AXDND1: variants seen among roughly 807,000 people sequenced by gnomAD.
AXDND1 encodes the protein axonemal dynein light chain domain-containing protein 1.
AXDND1 carries 110 observed loss-of-function variants against 137.5 expected under a neutral mutation model. The ratio of observed to expected loss-of-function variants is 0.80; its 90% CI spans 0.69 to 0.94. The LOEUF (loss-of-function observed/expected upper bound fraction) is 0.94. AXDND1 is among the 40% of genes least tolerant of loss of function. The pLI is 0.00. For missense variants in AXDND1, 1,191 were observed against 1,169.8 expected (o/e 1.02, Z -0.26); for synonymous variants, 414 against 399.7 (o/e 1.04, Z -0.43).
chr1:179,400,747 C>A (rs1386723435), intron 11 of AXDND1, among the ~76,000 whole-genome samples: 1 of 148,288 alleles, frequency 6.7e-6, no homozygotes, highest in Non-Finnish European at 1.5e-5. Flanking sequence ...ACTGAAAATA[C>A]AAAAAAAATT....
chr1:179,385,192 A>G (rs1248983599), intron 8 of AXDND1, 46 bp from the exon 9 acceptor site: 2 of 1,550,908 alleles, frequency 1.3e-6, no homozygotes, highest in Admixed American at 1.8e-5. Context: ...AATGTTTTTT[A>G]CTAAGACTGT....
At chr1:179,380,020 C>T (rs771531936) in intron 6 of AXDND1, among the ~76,000 whole-genome samples, 23 of 151,994 alleles carry the variant, frequency 1.5e-4, no homozygotes, top group Non-Finnish European at 2.4e-4. Flanking sequence ...GAGGCTGAGG[C>T]GAGCAGATCA....
In AXDND1 at chr1:179,534,955, A is replaced by G. The variant is rs1260692648; in HGVS notation, c.3024A>G (p.Pro1008=). Reference sequence around the variant, plus strand: ...CAGCAGAAAATTCCTCAAAATCTCCAAAGAAAGGTAAGGATTGCTTCGTAT... The same window carrying G: ...CAGCAGAAAATTCCTCAAAATCTCCGAAGAAAGGTAAGGATTGCTTCGTAT... The part of the protein sequence containing the change: ...VRSAENSSKS[P]KKGH Residue 1008 remains proline, a synonymous_variant, in exon 25 of 26, where the codon CCA becomes CCG. Transcript: ENST00000367618. 2 of 1,605,586 alleles carry G rather than the reference A, an allele frequency of 1.2e-6. No homozygotes were observed. The highest frequency in any genetic ancestry group is 2.7e-5 in the African/African-American group (2 of 74,410).
chr1:179,532,890 A>G (rs1023755416), intron 23 of AXDND1: 3 of 121,446 alleles, frequency 2.5e-5, no homozygotes, highest in Non-Finnish European at 5.1e-5. Flanking sequence ...GTCTCTATAA[A>G]AGAAAAAGAA....
intron 9 of AXDND1, among the ~76,000 whole-genome samples, chr1:179,386,265 G>A (rs777425128): frequency 2.6e-5 from 4 of 151,936 alleles, no homozygotes; most frequent in Non-Finnish European, 5.9e-5. Flanking sequence ...GGTCAGGCTG[G>A]TCTCGAACTC....
At chr1:179,532,132 A>G (rs1671092829) in intron 23 of AXDND1, among the ~76,000 whole-genome samples, 1 of 152,222 alleles carries the variant, frequency 6.6e-6, no homozygotes, top group Non-Finnish European at 1.5e-5. Flanking sequence ...ATTTCAGACC[A>G]CGGTCTGAAG....
intron 22 of AXDND1, among the ~76,000 whole-genome samples, chr1:179,525,967 A>C (rs1312769254): frequency 6.6e-6 from 1 of 152,198 alleles, no homozygotes; most frequent in Non-Finnish European, 1.5e-5. Flanking sequence ...TTTCAGAGGA[A>C]GGGAATGTTC....
intron 9 of AXDND1, among the ~76,000 whole-genome samples, chr1:179,391,004 C>A (rs1188726842): frequency 6.6e-6 from 1 of 151,908 alleles, no homozygotes; most frequent in African/African-American, 2.4e-5. Flanking sequence ...TAGGGTTTAT[C>A]CATGTTGGTC....
intron 16 of AXDND1, among the ~76,000 whole-genome samples, chr1:179,458,137 A>G (rs1299876797): frequency 1.3e-5 from 2 of 151,946 alleles, no homozygotes; most frequent in Non-Finnish European, 2.9e-5. Flanking sequence ...CTACAGGTGC[A>G]TGCTGTGACT....
In AXDND1 at chr1:179,465,844, G is replaced by A. The variant is rs1209549257; in HGVS notation, c.1799-2599G>A. 7.9e-5 allele frequency among the ~76,000 whole-genome samples: 12 copies of A among 152,184 alleles called. 1 individual carries two copies. In the South Asian group the frequency reaches 8.3e-4, roughly 11 times the overall value. On this transcript the variant is annotated intron_variant, in intron 16 of 25. Transcript: ENST00000367618. ...TGGCGGACGCCCCTCCCCCAGCCTCGCTGCCACCTTGCAGTTTGATCTCAG... is the reference window on the plus strand; with the variant it reads ...TGGCGGACGCCCCTCCCCCAGCCTCACTGCCACCTTGCAGTTTGATCTCAG...
chr1:179,401,130 T>A lies in AXDND1; in HGVS notation c.1109+5928T>A, dbSNP rs559795563. On this transcript the variant is annotated intron_variant, in intron 11 of 25. Coordinates refer to ENST00000367618, the MANE Select transcript of AXDND1 (RefSeq NM_144696.6). ...AAAATTAGCCAGGTGTGGTGCCACA[T>A]GCCTGTAATCCCAGCTACTTGGGAG... Among the ~76,000 whole-genome samples the A allele has an allele frequency of 2.0e-5, 3 of 150,256 alleles. No homozygotes were observed. In the South Asian group the frequency reaches 6.4e-4, roughly 32 times the overall value.
intron 9 of AXDND1, among the ~76,000 whole-genome samples, chr1:179,392,114 T>A (rs1650300773): frequency 6.6e-6 from 1 of 152,186 alleles, no homozygotes; most frequent in African/African-American, 2.4e-5. Flanking sequence ...GTAGTCTTTA[T>A]TCCTCACCCC....
rs766286937 is a variant in AXDND1, at chr1:179,370,083, A to G, written c.374+5A>G. On this transcript the variant is annotated splice_donor_5th_base_variant and intron_variant, in intron 4 of 25. Coordinates refer to ENST00000367618, the MANE Select transcript of AXDND1 (RefSeq NM_144696.6). ...CTCCCTCACAGGAGCTGGAAGGTAA[A>G]GAAGGAAGATAGTAGGATAGATGCT... The G allele has an allele frequency of 1.9e-6, 3 of 1,597,784 alleles. No individual in the cohort carries two copies. Among genetic ancestry groups the G allele is most frequent in the Admixed American group, 3.3e-5 (2 of 59,758 alleles).
At position 179,395,165 on chromosome 1, in the gene AXDND1, T is replaced by A. The variant is rs1456370699; in HGVS notation, c.1072T>A (p.Leu358Met). 3 of 1,613,512 alleles carry A rather than the reference T, an allele frequency of 1.9e-6. No individual in the cohort carries two copies. The African/African-American group carries it at 4.0e-5, about 22-fold the overall frequency. ...GGAAACAGAAAAAGCCCACAAGGATTTGGCACAAGCTCTTTTAAATGCGGA... is the reference window on the plus strand; with the variant it reads ...GGAAACAGAAAAAGCCCACAAGGATATGGCACAAGCTCTTTTAAATGCGGA... Reference protein sequence around the residue: ...TKETEKAHKDLAQALLNAEKN... With the variant: ...TKETEKAHKDMAQALLNAEKN... Residue 358 changes from leucine (L) to methionine (M), a missense_variant, in exon 11 of 26, where the codon TTG becomes ATG. Physicochemically the swap from Leu to Met is conservative, Grantham distance 15. Transcript: ENST00000367618.
intron 18 of AXDND1, among the ~76,000 whole-genome samples, chr1:179,484,439 C>G (rs1446095949): frequency 1.3e-5 from 2 of 152,118 alleles, no homozygotes; most frequent in African/African-American, 4.8e-5. Flanking sequence ...ACCTGAGCAC[C>G]CCCCTGTCTT....
chr1:179,543,154 G>A (rs1044558702), intron 25 of AXDND1: 6 of 152,184 alleles, frequency 3.9e-5, no homozygotes, highest in African/African-American at 1.4e-4. Context: ...TTGTGGTAAC[G>A]GCAGGAGCCT....
In AXDND1 at chr1:179,427,232, A is replaced by G. The variant is rs150267623; in HGVS notation, c.1231-2286A>G. On this transcript the variant is annotated intron_variant, in intron 12 of 25. Transcript: ENST00000367618. ...TAGTTTAGTTTATATATGCACACACACAAAATCTTCACCAAGAGAACAGCA... is the reference window on the plus strand; with the variant it reads ...TAGTTTAGTTTATATATGCACACACGCAAAATCTTCACCAAGAGAACAGCA... Among the ~76,000 whole-genome samples the G allele has an allele frequency of 1.1e-3, 166 of 152,292 alleles. 1 individual carries two copies. Among genetic ancestry groups the G allele is most frequent in the Middle Eastern group, 3.4e-3 (1 of 294 alleles).
At chr1:179,543,518 A>T (rs1366958243) in intron 25 of AXDND1, 5 of 152,180 alleles carry the variant, frequency 3.3e-5, no homozygotes, top group African/African-American at 1.2e-4. Flanking sequence ...TGATGGCCAG[A>T]GGCCATCAAG....
At chr1:179,520,343 G>A (rs763291713) in intron 21 of AXDND1, among the ~76,000 whole-genome samples, 1 of 152,166 alleles carries the variant, frequency 6.6e-6, no homozygotes, top group Non-Finnish European at 1.5e-5. Context: ...GGGATAGTTT[G>A]ACTTTCTTAC....
Sources: gnomAD v4.1 joint callset for allele counts (sites outside exome capture counted in the v4.1 genomes callset) on GRCh38, gnomAD v4.1.1 for gene constraint, MANE v1.5 for transcripts, NCBI Gene and HGNC (gene_info 2026-07-23, HGNC 2026-07-21) for gene names.